The following SLC9A8 variants were observed in gnomAD, a reference collection of about 807,000 sequenced individuals.
SLC9A8 encodes sodium/hydrogen exchanger 8.
In SLC9A8, 48 loss-of-function variants were observed where a neutral mutation model predicts 66.6. That is an observed-to-expected ratio of 0.72 (90% confidence interval 0.57 to 0.92). The LOEUF (loss-of-function observed/expected upper bound fraction) is 0.92. Ranked by LOEUF, SLC9A8 falls within the 40% of genes least tolerant of loss-of-function variation. The probability of loss-of-function intolerance (pLI) is 0.00; values close to 1 mark genes in which losing one functional copy is unlikely to be tolerated. For synonymous variants in SLC9A8, 274 were observed against 282.6 expected (o/e 0.97, Z 0.31); for missense variants, 599 against 747.3 (o/e 0.80, Z 2.31).
At chr20:49,821,011 T>C (rs2086720646) in intron 2 of SLC9A8, among the ~76,000 whole-genome samples, 1 of 152,250 alleles carries the variant, frequency 6.6e-6, no homozygotes, top group African/African-American at 2.4e-5. Flanking sequence ...TTAAGAGTTC[T>C]TTATATATTG....
At chr20:49,856,949 AAAAAC>A (rs768133497) in intron 8 of SLC9A8, among the ~76,000 whole-genome samples, 10 of 152,214 alleles carry the variant, frequency 6.6e-5, no homozygotes, top group African/African-American at 2.4e-4. Context: ...ACCCTGTCTC[AAAAAC>A]AAAACAAAAC....
chr20:49,881,151 TC>T (rs1908423411), intron 13 of SLC9A8, 116 bp downstream of exon 13: 1 of 702,980 alleles, frequency 1.4e-6, no homozygotes, highest in African/African-American at 1.8e-5. Context: ...TAATCAATAC[TC>T]CCGTTTAATG....
Position 49,830,665 on chromosome 20 carries a change from G to A in SLC9A8, c.289+7524G>A. 3 of 649,330 alleles carry A rather than the reference G, an allele frequency of 4.6e-6. No homozygotes were observed. In the South Asian group the frequency reaches 5.3e-5, roughly 12 times the overall value. The allele number at this position is 649,330 out of a possible 1,614,324, so 40.2% of individuals were successfully genotyped here. A position where few individuals can be genotyped will look rare whatever the true frequency, so the allele number is the denominator to read the frequency against. The stretch of plus-strand genomic sequence containing the variant: ...GGAGACAGGGGCCTATAGGAGGACT[G>A]CAGCAGCTGCTTCCAGGCGATAGGG... On this transcript the variant is annotated intron_variant, in intron 3 of 15. Coordinates refer to ENST00000361573, the MANE Select transcript of SLC9A8 (RefSeq NM_015266.3).
chr20:49,840,412 A>G (rs1434277672), intron 4 of SLC9A8, among the ~76,000 whole-genome samples: 3 of 152,198 alleles, frequency 2.0e-5, no homozygotes, highest in African/African-American at 4.8e-5. Flanking sequence ...ATAAAGAATT[A>G]TATGGCTAAA....
intron 11 of SLC9A8, among the ~76,000 whole-genome samples, chr20:49,876,079 T>G (rs1026933796): frequency 6.6e-6 from 1 of 152,128 alleles, no homozygotes; most frequent in Non-Finnish European, 1.5e-5. Flanking sequence ...ACTGTTAGCG[T>G]GCTAGGAGGC....
chr20:49,817,793 C>T lies in SLC9A8; in HGVS notation c.208+2604C>T, dbSNP rs373203168. 8.6e-5 allele frequency among the ~76,000 whole-genome samples: 13 copies of T among 152,040 alleles called. No individual in the cohort carries two copies. In the East Asian group the frequency reaches 2.3e-3, roughly 27 times the overall value. The stretch of plus-strand genomic sequence containing the variant: ...TTAATACACCCTGGTAATTTTTTAC[C>T]CTGTAAATGTAGTTGAATTCTATTT... On this transcript the variant is annotated intron_variant, in intron 2 of 15. Coordinates refer to ENST00000361573, the MANE Select transcript of SLC9A8 (RefSeq NM_015266.3).
chr20:49,883,806 C>T, intron 13 of SLC9A8, 40 bp from the exon 14 acceptor site: 1 of 1,537,894 alleles, frequency 6.5e-7, no homozygotes, highest in Non-Finnish European at 8.8e-7. Context: ...AAGCTGCTGC[C>T]TCTTCACTGT....
chr20:49,820,737 C>T (rs866057846), intron 2 of SLC9A8, among the ~76,000 whole-genome samples: 1 of 151,576 alleles, frequency 6.6e-6, no homozygotes, highest in South Asian at 2.1e-4. Flanking sequence ...GTAGAGACGG[C>T]GTTTCACCAT....
chr20:49,886,068 C>G lies in SLC9A8; in HGVS notation c.1492-684C>G, dbSNP rs57721437. ...CTTCACAGCATCTAAATGCCCTCCC[C>G]TCCCCGGCCATCCTCTGCCCTCCCT... On this transcript the variant is annotated intron_variant, in intron 14 of 15. Transcript: ENST00000361573. The surrounding 1 kb of genome is among the most constrained non-coding windows in gnomAD (Gnocchi z 4.8). Among the ~76,000 whole-genome samples the G allele has an allele frequency of 8.3e-4, 126 of 152,224 alleles. 1 individual carries two copies. In the East Asian group the frequency reaches 0.018, roughly 22 times the overall value.
intron 10 of SLC9A8, among the ~76,000 whole-genome samples, chr20:49,866,590 T>G (rs886603957): frequency 1.3e-5 from 2 of 152,176 alleles, no homozygotes; most frequent in Admixed American, 1.3e-4. Context: ...TGTGCTTTGG[T>G]GTGGTTATTT....
chr20:49,882,354 C>T (rs1302847516), intron 13 of SLC9A8, among the ~76,000 whole-genome samples: 1 of 152,236 alleles, frequency 6.6e-6, no homozygotes, highest in Non-Finnish European at 1.5e-5. Context: ...AGCCTACCTC[C>T]TTCCCACTGC....
At chr20:49,885,718 A>G (rs2089863897) in intron 14 of SLC9A8, among the ~76,000 whole-genome samples, 1 of 152,230 alleles carries the variant, frequency 6.6e-6, no homozygotes, top group Non-Finnish European at 1.5e-5. Flanking sequence ...GGATGATCTC[A>G]GATTGTCCCC....
At chr20:49,862,782 T>C in intron 8 of SLC9A8, 147 bp from the exon 9 acceptor site, 1 of 720,020 alleles carries the variant, frequency 1.4e-6, no homozygotes. Flanking sequence ...ACAAAGTAGG[T>C]GAACAATAAA....
intron 2 of SLC9A8, 112 bp from the exon 3 acceptor site, chr20:49,822,949 T>G: frequency 1.3e-6 from 1 of 800,000 alleles, no homozygotes; most frequent in Non-Finnish European, 2.1e-6. Context: ...GTTATTCCAA[T>G]TGTCCATTTC....
chr20:49,851,714 C>T (rs1378755528), intron 7 of SLC9A8, among the ~76,000 whole-genome samples: 1 of 152,186 alleles, frequency 6.6e-6, no homozygotes, highest in Non-Finnish European at 1.5e-5. Context: ...ACTCACCACC[C>T]ACCCCAGCCC....
rs577780487 is a variant in SLC9A8 at position 49,886,998 on chromosome 20, G to C, written c.1638+100G>C. On this transcript the variant is annotated intron_variant, in intron 15 of 15. Coordinates refer to ENST00000361573, the MANE Select transcript of SLC9A8 (RefSeq NM_015266.3). This position sits in a 1 kb window ranked among gnomAD's most constrained non-coding sequence, Gnocchi z 4.8. ...GGGGTGGAGGAAGAGTGGGGAGGCA[G>C]GAAAGCTCACGTGGGCCCGCCAGGC... 1.2e-4 allele frequency: 165 copies of C among 1,399,384 alleles called. 1 individual carries two copies. The highest frequency in any genetic ancestry group is 1.1e-3 in the Middle Eastern group (6 of 5,258). 86.7% of individuals were successfully genotyped at this position (1,399,384 alleles called of 1,614,324 possible). A position where few individuals can be genotyped will look rare whatever the true frequency, so the allele number is the denominator to read the frequency against.
intron 10 of SLC9A8, among the ~76,000 whole-genome samples, chr20:49,865,365 G>T (rs964094664): frequency 6.6e-6 from 1 of 152,150 alleles, no homozygotes; most frequent in East Asian, 1.9e-4. Context: ...AAAGTGTGGT[G>T]GTGGCGTAAT....
chr20:49,827,721 T>G (rs1412813523), intron 3 of SLC9A8, among the ~76,000 whole-genome samples: 2 of 152,106 alleles, frequency 1.3e-5, no homozygotes, highest in Non-Finnish European at 1.5e-5. Flanking sequence ...TGCTTTATTT[T>G]AGAGTGAGAA....
At chr20:49,822,879 T>C (rs538566924) in intron 2 of SLC9A8, among the ~76,000 whole-genome samples, 182 bp from the exon 3 acceptor site, 18 of 152,288 alleles carry the variant, frequency 1.2e-4, no homozygotes, top group East Asian at 3.9e-4. Context: ...ATAATAAACA[T>C]TGTAAATGTA....
Sources: gnomAD v4.1 joint callset for allele counts (sites outside exome capture counted in the v4.1 genomes callset) on GRCh38, gnomAD v4.1.1 for gene constraint, Gnocchi (gnomAD v3.1) non-coding constraint, MANE v1.5 for transcripts, NCBI Gene and HGNC (gene_info 2026-07-23, HGNC 2026-07-21) for gene names.